The following PDE9A variants were observed in gnomAD, a reference collection of about 807,000 sequenced individuals.
PDE9A encodes high affinity cGMP-specific 3',5'-cyclic phosphodiesterase 9A.
PDE9A carries 60 observed loss-of-function variants against 87.4 expected under a neutral mutation model. The observed-to-expected ratio is 0.69, with a 90% CI of 0.56 to 0.85. PDE9A has a LOEUF of 0.85. PDE9A is among the 40% of genes least tolerant of loss of function. The pLI is 0.00. For missense variants in PDE9A, 665 were observed against 779.0 expected, an observed-to-expected ratio of 0.85 and a Z score of 1.74; for synonymous variants, 272 against 279.4, an observed-to-expected ratio of 0.97 and a Z score of 0.27.
chr21:42,664,467 C>T (rs923130619), intron 1 of PDE9A, among the ~76,000 whole-genome samples: 6 of 152,292 alleles, frequency 3.9e-5, no homozygotes, highest in African/African-American at 7.2e-5. Flanking sequence ...ACCTGCTTTC[C>T]GGGCTGGCCT....
chr21:42,738,259 G>A (rs1205387446), intron 7 of PDE9A, among the ~76,000 whole-genome samples: 1 of 152,234 alleles, frequency 6.6e-6, no homozygotes, highest in Non-Finnish European at 1.5e-5. Flanking sequence ...CCAGAGCCTG[G>A]ATGCTAGAAC....
At chr21:42,670,360 A>T (rs1187713749) in intron 1 of PDE9A, among the ~76,000 whole-genome samples, 11 of 118,284 alleles carry the variant, frequency 9.3e-5, no homozygotes, top group African/African-American at 4.5e-4. Context: ...ACACACATCC[A>T]CACACACATT....
rs751167990 is a variant in PDE9A at position 42,759,078 on chromosome 21, G to C, written c.890G>C (p.Arg297Thr). 1 of 1,613,134 alleles carries C rather than the reference G, an allele frequency of 6.2e-7. No individual in the cohort carries two copies. The highest frequency in any genetic ancestry group is 8.5e-7 in the Non-Finnish European group (1 of 1,179,104). Residue 297 changes from arginine (R) to threonine (T), a missense_variant, in exon 11 of 20, where the codon AGG (arginine) becomes ACG (threonine). Physicochemically the swap from Arg to Thr is moderately conservative, Grantham distance 71. Coordinates refer to ENST00000291539, the MANE Select transcript of PDE9A (RefSeq NM_002606.3). This position sits in a 1 kb window ranked among gnomAD's most constrained non-coding sequence, Gnocchi z 7.2. ...DFSINPVTLR[R>T]WLFCVHDNYR... is the part of the protein sequence containing the mutation. ...AGCATCAACCCTGTCACCCTCAGGA[G>C]GTGGCTGGTGAGTGCCAAACCCGCC... is the stretch of plus-strand genomic sequence containing the variant.
chr21:42,709,140 A>G (rs1483553515), intron 4 of PDE9A, among the ~76,000 whole-genome samples: 1 of 152,234 alleles, frequency 6.6e-6, no homozygotes, highest in Non-Finnish European at 1.5e-5. Context: ...GAACAAGATC[A>G]TGTCCTTTGC....
At position 42,760,907 on chromosome 21, in the gene PDE9A, C is replaced by T. The variant is rs1445270216; in HGVS notation, c.1085C>T (p.Thr362Met). Reference sequence around the variant, plus strand: ...CTGGACCATCCCGGCTACAACAACACGTATGTACAGGATTTTCTCTTTTTT... The same window carrying T: ...CTGGACCATCCCGGCTACAACAACATGTATGTACAGGATTTTCTCTTTTTT... ...HDLDHPGYNN[T>M]YQINARTELA... Residue 362 changes from threonine (T) to methionine (M), a missense_variant and splice_region_variant, in exon 13 of 20, where the codon ACG (threonine) becomes ATG (methionine). Transcript: ENST00000291539. The surrounding 1 kb of genome is among the most constrained non-coding windows in gnomAD (Gnocchi z 5.2). 7.5e-6 allele frequency: 12 copies of T among 1,595,924 alleles called. No individual in the cohort carries two copies. In the East Asian group the frequency reaches 8.9e-5, roughly 12 times the overall value.
intron 1 of PDE9A, among the ~76,000 whole-genome samples, chr21:42,655,462 G>A (rs896997938): frequency 2.0e-5 from 3 of 152,068 alleles, no homozygotes; most frequent in African/African-American, 7.2e-5. Flanking sequence ...GGGCAGGGTA[G>A]CTTTTCACAG....
intron 19 of PDE9A, among the ~76,000 whole-genome samples, chr21:42,773,100 A>T (rs1200503495): frequency 6.6e-6 from 1 of 151,086 alleles, no homozygotes; most frequent in African/African-American, 2.4e-5. Context: ...TGTCTCTACT[A>T]AAAATACAAA....
intron 8 of PDE9A, among the ~76,000 whole-genome samples, chr21:42,745,526 G>A (rs1053748901): frequency 1.3e-5 from 2 of 152,208 alleles, no homozygotes; most frequent in South Asian, 2.1e-4. Context: ...GCACAGGGAC[G>A]GCCACACAGC....
rs865782844 is a variant in PDE9A at position 42,653,713 on chromosome 21, G to T, written c.-102G>T. ...TGTGGTTGGCTGAGCGCCGCGGGCC[G>T]CCCCCCGCCCGCCCCCTCCCCTGCT... On this transcript the variant is annotated 5_prime_UTR_variant, in exon 1 of 20. Transcript: ENST00000291539. The T allele has an allele frequency of 1.3e-4, 39 of 293,010 alleles. No individual in the cohort carries two copies. The highest frequency in any genetic ancestry group is 8.5e-4 in the African/African-American group (34 of 40,146). The allele number at this position is 293,010 out of a possible 1,614,324, so 18.2% of individuals were successfully genotyped here.
At chr21:42,691,580 C>T (rs947311661) in intron 3 of PDE9A, among the ~76,000 whole-genome samples, 8 of 150,556 alleles carry the variant, frequency 5.3e-5, no homozygotes, top group Non-Finnish European at 8.9e-5. Context: ...TCCAAAGTCA[C>T]CCAGACACAT....
At chr21:42,726,343 T>C (rs1040529612) in intron 4 of PDE9A, among the ~76,000 whole-genome samples, 1 of 151,964 alleles carries the variant, frequency 6.6e-6, no homozygotes. Flanking sequence ...ATTTTTCTTT[T>C]TCTGGTTTGT....
In PDE9A at chr21:42,747,552, C is replaced by T. The variant is rs573697718; in HGVS notation, c.654-3564C>T. ...TGCCCCTTGGGAACAGCAGTGGCATCGGGGTCCGGCACACAGCACCCGGGA... is the reference window on the plus strand; with the variant it reads ...TGCCCCTTGGGAACAGCAGTGGCATTGGGGTCCGGCACACAGCACCCGGGA... On this transcript the variant is annotated intron_variant, in intron 8 of 19. Coordinates refer to ENST00000291539, the MANE Select transcript of PDE9A (RefSeq NM_002606.3). Among the ~76,000 whole-genome samples the T allele has an allele frequency of 7.2e-5, 11 of 152,360 alleles. No individual in the cohort carries two copies. The East Asian group carries it at 1.9e-3, about 27-fold the overall frequency.
Position 42,722,012 on chromosome 21 carries a change from T to C in PDE9A, c.263-9758T>C, listed in dbSNP as rs1356864259. 1.3e-5 allele frequency among the ~76,000 whole-genome samples: 2 copies of C among 151,534 alleles called. No individual in the cohort carries two copies. The highest frequency in any genetic ancestry group is 2.9e-5 in the Non-Finnish European group (2 of 67,840). ...TTTTTTTTGAGATGGAATCTTGCTC[T>C]GTCACCAGGCTGGAGTGCAGTGGCA... On this transcript the variant is annotated intron_variant, in intron 4 of 19. Coordinates refer to ENST00000291539, the MANE Select transcript of PDE9A (RefSeq NM_002606.3). The surrounding 1 kb of genome is among the most constrained non-coding windows in gnomAD (Gnocchi z 4.1).
At chr21:42,674,415 TG>T (rs1346460118) in intron 1 of PDE9A, among the ~76,000 whole-genome samples, 1 of 151,574 alleles carries the variant, frequency 6.6e-6, no homozygotes, top group East Asian at 1.9e-4. Flanking sequence ...TCCTGGCCCT[TG>T]GGGAGTGAGG....
chr21:42,699,935 C>T (rs552969814), intron 4 of PDE9A, among the ~76,000 whole-genome samples: 2 of 152,174 alleles, frequency 1.3e-5, no homozygotes, highest in South Asian at 2.1e-4. Flanking sequence ...CATTTAAGTG[C>T]CTATTTTGAT....
At chr21:42,670,622 C>G (rs748667702) in intron 1 of PDE9A, among the ~76,000 whole-genome samples, 1 of 150,668 alleles carries the variant, frequency 6.6e-6, no homozygotes, top group Non-Finnish European at 1.5e-5. Context: ...CTATCACATT[C>G]ACACACACAT....
chr21:42,686,103 T>A (rs1275339638), intron 1 of PDE9A, 89 bp from the exon 2 acceptor site: 2 of 901,680 alleles, frequency 2.2e-6, no homozygotes, highest in Non-Finnish European at 3.7e-6. Context: ...AACCTTCAGT[T>A]TGGAGCCGAA....
intron 1 of PDE9A, among the ~76,000 whole-genome samples, chr21:42,657,103 G>C (rs1361165464): frequency 6.6e-6 from 1 of 152,244 alleles, no homozygotes; most frequent in Non-Finnish European, 1.5e-5. Context: ...TTTTTTCCCT[G>C]ACGATCGGCT....
intron 8 of PDE9A, among the ~76,000 whole-genome samples, chr21:42,744,371 A>T (rs548641653): frequency 6.6e-6 from 1 of 152,308 alleles, no homozygotes; most frequent in African/African-American, 2.4e-5. Flanking sequence ...AAAAGAGCAC[A>T]TATTGGAGAT....
Sources: allele counts gnomAD v4.1 joint callset (sites outside exome capture counted in the v4.1 genomes callset), GRCh38; gene constraint gnomAD v4.1.1; non-coding constraint Gnocchi (gnomAD v3.1); transcripts MANE v1.5; gene names NCBI Gene and HGNC (gene_info 2026-07-23, HGNC 2026-07-21).